SLC26A4: variants seen among roughly 807,000 people sequenced by gnomAD.
SLC26A4 encodes solute carrier family 26 member 4, also known as pendrin.
SLC26A4 carries 93 observed loss-of-function variants against 90.4 expected under a neutral mutation model. The observed-to-expected ratio is 1.03, with a 90% CI of 0.87 to 1.22. The LOEUF (loss-of-function observed/expected upper bound fraction) is 1.22, where lower values mean the gene tolerates loss of function less well. Among genes scored for constraint, SLC26A4 ranks in the 50% most tolerant of loss-of-function variants. SLC26A4 has a pLI of 0.00. For missense variants in SLC26A4, 1,127 were observed against 946.2 expected (o/e 1.19, Z -2.51); for synonymous variants, 393 against 354.6 (o/e 1.11, Z -1.22).
At position 107,663,278 on chromosome 7, in the gene SLC26A4, T is replaced by A. The variant is rs1790615127; in HGVS notation, c.165-18T>A. The A allele has an allele frequency of 1.2e-6, 2 of 1,614,180 alleles. No homozygotes were observed. Among genetic ancestry groups the A allele is most frequent in the Admixed American group, 3.3e-5 (2 of 60,026 alleles). ...ACTGAGATTGGATTGAAAACCCAGT[T>A]TTCTTGCTTTTTGACAGTTGTTCAA... On this transcript the variant is annotated intron_variant, in intron 2 of 20. Coordinates refer to ENST00000644269, the MANE Select transcript of SLC26A4 (RefSeq NM_000441.2).
At chr7:107,672,547 C>T (rs1790901652) in intron 4 of SLC26A4, among the ~76,000 whole-genome samples, 1 of 151,714 alleles carries the variant, frequency 6.6e-6, no homozygotes, top group African/African-American at 2.4e-5. Flanking sequence ...AACATTTTAG[C>T]ATGTTTTGCT....
At chr7:107,709,964 G>C in intron 18 of SLC26A4, 90 bp from the exon 19 acceptor site, 1 of 1,121,024 alleles carries the variant, frequency 8.9e-7, no homozygotes, top group Non-Finnish European at 1.3e-6. Flanking sequence ...CTGCACTCCA[G>C]CCTGGGCAAT....
At chr7:107,665,866 TTG>T (rs1243893950) in intron 3 of SLC26A4, among the ~76,000 whole-genome samples, 1 of 152,208 alleles carries the variant, frequency 6.6e-6, no homozygotes, top group Non-Finnish European at 1.5e-5. Flanking sequence ...CCGGTGTCTA[TTG>T]TGTAGTTCCT....
In SLC26A4 at chr7:107,661,967, C is replaced by G. The variant is rs1189470043; in HGVS notation, c.164+162C>G. 8.1e-6 allele frequency: 6 copies of G among 737,456 alleles called. No homozygotes were observed. In the Admixed American group the frequency reaches 1.4e-4, roughly 18 times the overall value. 45.7% of individuals were successfully genotyped at this position (737,456 alleles called of 1,614,324 possible). A position where few individuals can be genotyped will look rare whatever the true frequency, so the allele number is the denominator to read the frequency against. On this transcript the variant is annotated intron_variant, in intron 2 of 20. Coordinates refer to ENST00000644269, the MANE Select transcript of SLC26A4 (RefSeq NM_000441.2). This position sits in a 1 kb window ranked among gnomAD's most constrained non-coding sequence, Gnocchi z 5.1. ...CCGACTTTCGGTCTCCGGTCCTCCA[C>G]GCCGCCCTTCTGGTGGGAGGGTGGC...
chr7:107,677,414 A>G (rs887820538), intron 6 of SLC26A4, among the ~76,000 whole-genome samples: 4 of 152,166 alleles, frequency 2.6e-5, no homozygotes, highest in Non-Finnish European at 5.9e-5. Context: ...ACTTAGCACA[A>G]TATCTGTCAC....
At chr7:107,702,498 T>G (rs529435443) in intron 17 of SLC26A4, among the ~76,000 whole-genome samples, 1 of 152,054 alleles carries the variant, frequency 6.6e-6, no homozygotes, top group South Asian at 2.1e-4. Flanking sequence ...AAGACCAGCC[T>G]GGCCAATATG....
intron 8 of SLC26A4, among the ~76,000 whole-genome samples, chr7:107,684,314 GTT>G (rs1390878124): frequency 6.6e-6 from 1 of 152,178 alleles, no homozygotes; most frequent in African/African-American, 2.4e-5. Flanking sequence ...AGAAGTACTA[GTT>G]TTCCCTAAGA....
Position 107,672,208 on chromosome 7 carries a change from G to C in SLC26A4, c.375G>C (p.Leu125=), listed in dbSNP as rs1313440704. The change falls in exon 4 of 21, where the codon CTG becomes CTC. Residue 125 remains leucine, a synonymous_variant. Coordinates refer to ENST00000644269, the MANE Select transcript of SLC26A4 (RefSeq NM_000441.2). ...YGLYSAFFPI[L]TYFIFGTSRH... Reference sequence around the variant, plus strand: ...TCTACTCTGCTTTTTTCCCTATCCTGACATACTTTATCTTTGGAACATCAA... The same window carrying C: ...TCTACTCTGCTTTTTTCCCTATCCTCACATACTTTATCTTTGGAACATCAA... The C allele has an allele frequency of 2.5e-6, 4 of 1,611,122 alleles. No homozygotes were observed. The South Asian group carries it at 4.4e-5, about 18-fold the overall frequency.
intron 6 of SLC26A4, among the ~76,000 whole-genome samples, chr7:107,679,705 C>T (rs930188004): frequency 6.6e-6 from 1 of 150,496 alleles, no homozygotes. Context: ...TATGTGTATC[C>T]ATACTATTAA....
intron 20 of SLC26A4, among the ~76,000 whole-genome samples, chr7:107,714,949 G>T (rs1792301208): frequency 6.6e-6 from 1 of 151,788 alleles, no homozygotes; most frequent in South Asian, 2.1e-4. Context: ...TACAGGCCAG[G>T]CTCAGTGACT....
rs765197819 is a variant in SLC26A4, at chr7:107,698,071, C to T, written c.1574C>T (p.Pro525Leu). 1.7e-5 allele frequency: 28 copies of T among 1,610,806 alleles called. No homozygotes were observed. Among genetic ancestry groups the T allele is most frequent in the Middle Eastern group, 3.3e-4 (2 of 6,050 alleles). The part of the protein sequence containing the change: ...FPSWNGLGSI[P>L]STDIYKSTKN... ...TCTTGGAATGGCCTTGGAAGCATCC[C>T]TAGCACAGATATCTACAAAAGTACC... The change falls in exon 14 of 21, where the codon CCT becomes CTT. Residue 525 changes from proline (P) to leucine (L), a missense_variant. Transcript: ENST00000644269.
At chr7:107,698,011 A>G (rs1038988531) in intron 13 of SLC26A4, 31 bp from the exon 14 acceptor site, 9 of 1,481,218 alleles carry the variant, frequency 6.1e-6, no homozygotes, top group Non-Finnish European at 6.6e-6. Flanking sequence ...GCTGTTCCAA[A>G]AAATCTTGAC....
Position 107,661,464 on chromosome 7 carries a change from GC to G in SLC26A4, c.-3-173del. ...GCCCCCCTGCAGGCTGGCCGTGCGC[GC>G]CGTGGGGCGCTTGTCGCGAGCGCCG... On this transcript the variant is annotated intron_variant, in intron 1 of 20. Transcript: ENST00000644269. The surrounding 1 kb of genome is among the most constrained non-coding windows in gnomAD (Gnocchi z 5.1). 1 of 712,808 alleles carries G rather than the reference GC, an allele frequency of 1.4e-6. No homozygotes were observed. The highest frequency in any genetic ancestry group is 2.4e-6 in the Non-Finnish European group (1 of 423,856). The allele number at this position is 712,808 out of a possible 1,614,324, so 44.2% of individuals were successfully genotyped here.
At chr7:107,676,065 A>G (rs1167342364) in intron 6 of SLC26A4, among the ~76,000 whole-genome samples, 2 of 152,246 alleles carry the variant, frequency 1.3e-5, no homozygotes, top group Non-Finnish European at 2.9e-5. Context: ...GACCCTGGAT[A>G]CATCATGTAG....
chr7:107,716,060 C>T lies in SLC26A4; in HGVS notation c.*614C>T, dbSNP rs77315223. On this transcript the variant is annotated 3_prime_UTR_variant, in exon 21 of 21. Transcript: ENST00000644269. Reference sequence around the variant, plus strand: ...CTGGAAATGGTTTACCTAAAAGCTACAGAACCAGGCCAATATATTTTGAAA... The same window carrying T: ...CTGGAAATGGTTTACCTAAAAGCTATAGAACCAGGCCAATATATTTTGAAA... 1,353 of 152,254 alleles carry T rather than the reference C, an allele frequency of 8.9e-3. 33 individuals are homozygous for T. Among genetic ancestry groups the T allele is most frequent in the East Asian group, 0.057 (293 of 5,170 alleles). 9.4% of individuals were successfully genotyped at this position (152,254 alleles called of 1,614,324 possible).
chr7:107,679,166 C>G (rs1791106475), intron 6 of SLC26A4, among the ~76,000 whole-genome samples: 1 of 152,198 alleles, frequency 6.6e-6, no homozygotes, highest in South Asian at 2.1e-4. Flanking sequence ...TACCATGTAG[C>G]TACTCAGTTA....
intron 18 of SLC26A4, among the ~76,000 whole-genome samples, chr7:107,709,803 C>G (rs1792130533): frequency 2.0e-5 from 3 of 152,154 alleles, no homozygotes; most frequent in Admixed American, 1.3e-4. Flanking sequence ...AAAGGAGGAG[C>G]TACAAAAACT....
chr7:107,667,725 G>A (rs1790757266), intron 3 of SLC26A4, among the ~76,000 whole-genome samples: 1 of 152,074 alleles, frequency 6.6e-6, no homozygotes, highest in Admixed American at 6.5e-5. Context: ...ATAACTAGAA[G>A]CAAAGTAGTA....
At chr7:107,715,050 C>G (rs1375095485) in intron 20 of SLC26A4, among the ~76,000 whole-genome samples, 1 of 132,524 alleles carries the variant, frequency 7.5e-6, no homozygotes, top group Non-Finnish European at 1.6e-5. Context: ...CATGGTAACC[C>G]CCCGACCATC....
Sources: allele counts gnomAD v4.1 joint callset (sites outside exome capture counted in the v4.1 genomes callset), GRCh38; gene constraint gnomAD v4.1.1; non-coding constraint Gnocchi (gnomAD v3.1); transcripts MANE v1.5; gene names NCBI Gene and HGNC (gene_info 2026-07-23, HGNC 2026-07-21).